The following PTPRD variants were observed in gnomAD, a reference collection of about 807,000 sequenced individuals.
PTPRD encodes the protein protein tyrosine phosphatase receptor type D.
A neutral mutation model predicts 214.5 loss-of-function variants in PTPRD; 34 were observed. That is an observed-to-expected ratio of 0.16 (90% CI 0.12 to 0.21). The LOEUF (loss-of-function observed/expected upper bound fraction) is 0.21. Ranked by LOEUF, PTPRD falls within the 10% of genes least tolerant of loss-of-function variation. The pLI is 1.00. For synonymous variants in PTPRD, 1,128 were observed against 845.7 expected, an observed-to-expected ratio of 1.33 and a Z score of -5.79; for missense variants, 2,545 against 2,398.7, an observed-to-expected ratio of 1.06 and a Z score of -1.27.
chr9:9,135,057 G>C (rs1254013379), intron 10 of PTPRD, among the ~76,000 whole-genome samples: 3 of 152,088 alleles, frequency 2.0e-5, no homozygotes, highest in Admixed American at 6.5e-5. Flanking sequence ...TCATTAATTT[G>C]AGATCACATG....
chr9:8,825,590 A>C (rs1222966490), intron 11 of PTPRD, among the ~76,000 whole-genome samples: 1 of 152,212 alleles, frequency 6.6e-6, no homozygotes, highest in Non-Finnish European at 1.5e-5. Context: ...TTTAAAAGAG[A>C]GGGTTCTTGG....
At chr9:8,597,169 C>G (rs2094520243) in intron 14 of PTPRD, among the ~76,000 whole-genome samples, 1 of 152,078 alleles carries the variant, frequency 6.6e-6, no homozygotes, top group Non-Finnish European at 1.5e-5. Context: ...AAGGGGGAAT[C>G]TTTCTGTTTT....
At chr9:9,118,225 A>G (rs2099814200) in intron 10 of PTPRD, among the ~76,000 whole-genome samples, 1 of 152,244 alleles carries the variant, frequency 6.6e-6, no homozygotes, top group Non-Finnish European at 1.5e-5. Flanking sequence ...TAGGTATGGC[A>G]AGCTATCAAA....
At chr9:8,578,610 G>A (rs1281891699) in intron 14 of PTPRD, among the ~76,000 whole-genome samples, 1 of 152,168 alleles carries the variant, frequency 6.6e-6, no homozygotes, top group Non-Finnish European at 1.5e-5. Flanking sequence ...ATGGGGCTGA[G>A]AAGTGGAAAG....
chr9:8,868,349 C>T (rs1821333), intron 11 of PTPRD, among the ~76,000 whole-genome samples: 28,487 of 152,086 alleles, frequency 0.19, 2,870 homozygotes, highest in East Asian at 0.29. Flanking sequence ...GGGGCATGTA[C>T]CACCACACCT....
intron 9 of PTPRD, among the ~76,000 whole-genome samples, chr9:9,327,826 C>T (rs1326005787): frequency 1.2e-4 from 18 of 151,464 alleles, no homozygotes; most frequent in Admixed American, 9.2e-4. Flanking sequence ...AATCTTTTGG[C>T]TTCCCTGGGC....
intron 8 of PTPRD, among the ~76,000 whole-genome samples, chr9:9,417,117 G>A (rs1456372059): frequency 1.3e-5 from 2 of 152,054 alleles, no homozygotes; most frequent in African/African-American, 2.4e-5. Context: ...TTCTTTGGCG[G>A]ACACATAAGG....
chr9:8,661,724 A>G (rs192727339), intron 12 of PTPRD, among the ~76,000 whole-genome samples: 8 of 151,508 alleles, frequency 5.3e-5, no homozygotes, highest in African/African-American at 2.0e-4. Context: ...ATACTTTCAC[A>G]GTTATTTCTG....
intron 8 of PTPRD, among the ~76,000 whole-genome samples, chr9:9,534,823 T>C (rs186687481): frequency 1.3e-5 from 2 of 152,180 alleles, no homozygotes; most frequent in African/African-American, 4.8e-5. Flanking sequence ...TCATATACCA[T>C]GTAATTGTCT....
intron 35 of PTPRD, among the ~76,000 whole-genome samples, chr9:8,419,524 G>A (rs3908434): frequency 0.17 from 25,157 of 151,920 alleles, 2,547 homozygotes; most frequent in East Asian, 0.23. Context: ...TAAATGGCAC[G>A]CTCTACAAGA....
chr9:9,089,716 C>A (rs185895898), intron 10 of PTPRD, among the ~76,000 whole-genome samples: 1 of 152,018 alleles, frequency 6.6e-6, no homozygotes, highest in Admixed American at 6.6e-5. Flanking sequence ...AGAGTAAGAA[C>A]GAAGGGTTGG....
chr9:9,914,024 G>T (rs185397979), intron 5 of PTPRD, among the ~76,000 whole-genome samples: 1 of 152,274 alleles, frequency 6.6e-6, no homozygotes, highest in Non-Finnish European at 1.5e-5. Context: ...CTGTGATTCT[G>T]GTCCTGTACA....
chr9:8,799,055 T>C (rs2096512579), intron 11 of PTPRD, among the ~76,000 whole-genome samples: 1 of 152,174 alleles, frequency 6.6e-6, no homozygotes, highest in African/African-American at 2.4e-5. Flanking sequence ...ACTATATTAA[T>C]TTCACATGCA....
At chr9:10,008,350 C>T (rs1289540959) in intron 4 of PTPRD, among the ~76,000 whole-genome samples, 1 of 151,944 alleles carries the variant, frequency 6.6e-6, no homozygotes, top group South Asian at 2.1e-4. Context: ...ACCAGCATTC[C>T]TTCCTGATGA....
At chr9:9,978,277 G>C (rs1233144801) in intron 4 of PTPRD, among the ~76,000 whole-genome samples, 2 of 152,060 alleles carry the variant, frequency 1.3e-5, no homozygotes, top group Non-Finnish European at 2.9e-5. Context: ...AAATAACTAT[G>C]TGAAACCTGT....
chr9:10,569,034 G>T (rs1288616310), intron 2 of PTPRD, among the ~76,000 whole-genome samples: 2 of 151,922 alleles, frequency 1.3e-5, no homozygotes, highest in Admixed American at 6.6e-5. Context: ...CTGACAAAGG[G>T]CTAATATCCA....
At chr9:8,934,435 A>G (rs1337097400) in intron 11 of PTPRD, among the ~76,000 whole-genome samples, 2 of 29,886 alleles carry the variant, frequency 6.7e-5, no homozygotes, top group African/African-American at 2.7e-4. Flanking sequence ...ATATATATAT[A>G]AATATATATA....
intron 3 of PTPRD, among the ~76,000 whole-genome samples, chr9:10,047,351 T>TGC (rs1555512684): frequency 2.9e-4 from 44 of 150,284 alleles, no homozygotes; most frequent in Middle Eastern, 3.5e-3. Flanking sequence ...TGTGTGTGTG[T>TGC]GCTTGTGTGA....
intron 35 of PTPRD, among the ~76,000 whole-genome samples, chr9:8,435,005 G>T (rs1345196835): frequency 3.9e-5 from 6 of 152,174 alleles, no homozygotes; most frequent in Non-Finnish European, 7.3e-5. Context: ...TCTCCTGAAT[G>T]CTTGGAGCAG....
Sources: gnomAD v4.1 joint callset for allele counts (sites outside exome capture counted in the v4.1 genomes callset) on GRCh38, gnomAD v4.1.1 for gene constraint, MANE v1.5 for transcripts, NCBI Gene and HGNC (gene_info 2026-07-23, HGNC 2026-07-21) for gene names.